The following RPH3A variants were observed in gnomAD, a reference collection of about 807,000 sequenced individuals.
RPH3A encodes the protein rabphilin-3A.
Under a neutral mutation model 102.2 loss-of-function variants are expected in RPH3A, and 48 were observed. The observed-to-expected ratio is 0.47, with a 90% CI of 0.37 to 0.60. The LOEUF (loss-of-function observed/expected upper bound fraction) is 0.60, where lower values mean the gene tolerates loss of function less well. Ranked by LOEUF, RPH3A falls within the 20% of genes least tolerant of loss-of-function variation. The pLI is 0.00. For synonymous variants in RPH3A, 310 were observed against 324.3 expected (o/e 0.96, Z 0.47); for missense variants, 781 against 910.1 (o/e 0.86, Z 1.83).
At chr12:112,659,965 G>A (rs2040038329) in intron 1 of RPH3A, among the ~76,000 whole-genome samples, 1 of 152,134 alleles carries the variant, frequency 6.6e-6, no homozygotes, top group South Asian at 2.1e-4. Context: ...TTTTAGTGGT[G>A]AATGGTTTTT....
intron 1 of RPH3A, among the ~76,000 whole-genome samples, chr12:112,662,953 A>T (rs2040058947): frequency 6.6e-6 from 1 of 151,806 alleles, no homozygotes. Flanking sequence ...GTGGTGAAGA[A>T]GTATCCTTTC....
At chr12:112,652,160 G>A (rs1875723148) in intron 1 of RPH3A, among the ~76,000 whole-genome samples, 2 of 152,218 alleles carry the variant, frequency 1.3e-5, no homozygotes, top group South Asian at 2.1e-4. Flanking sequence ...TTGAGAAACT[G>A]CCAAGTGGAG....
At chr12:112,671,395 C>T (rs574908130) in intron 1 of RPH3A, among the ~76,000 whole-genome samples, 1 of 152,288 alleles carries the variant, frequency 6.6e-6, no homozygotes, top group East Asian at 1.9e-4. Context: ...ATGGCTATTC[C>T]AGTTCCTGCC....
chr12:112,596,326 G>A (rs1403069340), intron 1 of RPH3A, among the ~76,000 whole-genome samples: 2 of 152,092 alleles, frequency 1.3e-5, no homozygotes, highest in African/African-American at 4.8e-5. Flanking sequence ...AGTTTTTGTC[G>A]AGATTGGGTC....
chr12:112,877,499 C>T (rs2042829532), intron 13 of RPH3A, among the ~76,000 whole-genome samples: 1 of 151,152 alleles, frequency 6.6e-6, no homozygotes, highest in Admixed American at 6.6e-5. Flanking sequence ...GTGCCTGGGG[C>T]AGACTTTGTG....
In RPH3A at chr12:112,708,534, C is replaced by T. The variant is rs141370057; in HGVS notation, c.-139-83609C>T. The stretch of plus-strand genomic sequence containing the variant: ...GTGCTCAGCAAAGCGTTAGGACCAG[C>T]GTGTGGGAGGAGCTGGTGGGGAGCA... On this transcript the variant is annotated intron_variant, in intron 1 of 21. Coordinates refer to the RPH3A transcript ENST00000543106. 1.4e-4 allele frequency among the ~76,000 whole-genome samples: 21 copies of T among 152,248 alleles called. No individual in the cohort carries two copies. In the East Asian group the frequency reaches 3.7e-3, roughly 27 times the overall value.
chr12:112,852,412 T>C (rs1262890682), intron 5 of RPH3A, among the ~76,000 whole-genome samples: 1 of 152,148 alleles, frequency 6.6e-6, no homozygotes, highest in Admixed American at 6.5e-5. Context: ...CTTTATCCCA[T>C]TATGTAGAAA....
intron 1 of RPH3A, among the ~76,000 whole-genome samples, chr12:112,725,094 C>T (rs1457323675): frequency 3.3e-5 from 5 of 151,344 alleles, no homozygotes; most frequent in African/African-American, 1.2e-4. Flanking sequence ...ACTAAAAATA[C>T]AAAAATTAGC....
At chr12:112,864,059 T>C (rs1305041071) in intron 5 of RPH3A, among the ~76,000 whole-genome samples, 1 of 152,186 alleles carries the variant, frequency 6.6e-6, no homozygotes, top group Admixed American at 6.5e-5. Flanking sequence ...ATCCCTATAG[T>C]TAATTCCAAA....
chr12:112,585,787 A>G (rs530348628), intron 1 of RPH3A, among the ~76,000 whole-genome samples: 5 of 152,222 alleles, frequency 3.3e-5, no homozygotes, highest in Admixed American at 6.5e-5. Context: ...CTTGTGTGCC[A>G]AAAGGAATGT....
intron 1 of RPH3A, among the ~76,000 whole-genome samples, chr12:112,725,011 G>A (rs971267186): frequency 4.6e-5 from 7 of 151,354 alleles, no homozygotes; most frequent in Non-Finnish European, 1.0e-4. Context: ...CACTTTGGGA[G>A]GCCAATGTGG....
intron 1 of RPH3A, among the ~76,000 whole-genome samples, chr12:112,677,377 T>TCCTCCCTCCCTCCCTC (rs1303919141): frequency 7.6e-5 from 1 of 13,170 alleles, no homozygotes; most frequent in Admixed American, 6.5e-4. Flanking sequence ...CTCCTTCCCT[T>TCCTCCCTCCCTCCCTC]CCTCCCTCCC....
At chr12:112,647,318 C>T (rs974788182) in intron 1 of RPH3A, among the ~76,000 whole-genome samples, 1 of 152,060 alleles carries the variant, frequency 6.6e-6, no homozygotes, top group Non-Finnish European at 1.5e-5. Context: ...TGACCCTGAG[C>T]GAGTCTCTCT....
rs1322444017 is a variant in RPH3A, at chr12:112,898,015, A to G, written c.*1235A>G. 1 of 151,528 alleles carries G rather than the reference A, an allele frequency of 6.6e-6. No individual in the cohort carries two copies. Among genetic ancestry groups the G allele is most frequent in the Non-Finnish European group, 1.5e-5 (1 of 67,948 alleles). 9.4% of individuals were successfully genotyped at this position (151,528 alleles called of 1,614,324 possible). On this transcript the variant is annotated 3_prime_UTR_variant, in exon 22 of 22. Coordinates refer to ENST00000389385, the MANE Select transcript of RPH3A (RefSeq NM_001143854.2). ...CAATGCCCTTGACTCTGTTTCATTGACTCTTTTGCATCCCATCTCTCACTC... is the reference window on the plus strand; with the variant it reads ...CAATGCCCTTGACTCTGTTTCATTGGCTCTTTTGCATCCCATCTCTCACTC...
chr12:112,615,227 G>C (rs2039669484), intron 1 of RPH3A, among the ~76,000 whole-genome samples: 1 of 152,012 alleles, frequency 6.6e-6, no homozygotes, highest in South Asian at 2.1e-4. Context: ...TTTTCTGTTA[G>C]AAGCTTTGTT....
At chr12:112,583,465 G>T (rs2039414870) in intron 1 of RPH3A, among the ~76,000 whole-genome samples, 1 of 151,882 alleles carries the variant, frequency 6.6e-6, no homozygotes, top group Admixed American at 6.6e-5. Flanking sequence ...CCCCATATTT[G>T]CTCTCCTAGA....
At chr12:112,838,215 G>A (rs1162343364) in intron 4 of RPH3A, among the ~76,000 whole-genome samples, 3 of 152,254 alleles carry the variant, frequency 2.0e-5, no homozygotes. Flanking sequence ...ACTACGTGGA[G>A]GAGACAGAGG....
At chr12:112,826,375 T>G (rs2041873222) in intron 2 of RPH3A, among the ~76,000 whole-genome samples, 1 of 152,028 alleles carries the variant, frequency 6.6e-6, no homozygotes, top group Admixed American at 6.6e-5. Context: ...TAGATTTTAG[T>G]CTAGGAGCAA....
chr12:112,676,527 C>T (rs2136012833), intron 1 of RPH3A, among the ~76,000 whole-genome samples: 1 of 152,298 alleles, frequency 6.6e-6, no homozygotes, highest in Middle Eastern at 3.4e-3. Flanking sequence ...TGGATTCTGG[C>T]CCCAGATAAT....
Sources: gnomAD v4.1 joint callset for allele counts (sites outside exome capture counted in the v4.1 genomes callset) on GRCh38, gnomAD v4.1.1 for gene constraint, MANE v1.5 for transcripts, NCBI Gene and HGNC (gene_info 2026-07-23, HGNC 2026-07-21) for gene names.